SYT9: variants seen among roughly 807,000 people sequenced by gnomAD.
SYT9 encodes the protein synaptotagmin 9, also known as synaptotagmin-9.
A neutral mutation model predicts 48.4 loss-of-function variants in SYT9; 22 were observed. The ratio of observed to expected loss-of-function variants is 0.45; its 90% CI spans 0.32 to 0.65. SYT9 has a LOEUF of 0.65. Among genes scored for constraint, SYT9 ranks in the 30% least tolerant of loss-of-function variants. The pLI, the probability that SYT9 is intolerant of heterozygous loss-of-function variation, is 0.03. For missense variants in SYT9, 577 were observed against 622.0 expected (o/e 0.93, Z 0.77); for synonymous variants, 265 against 245.0 (o/e 1.08, Z -0.76).
chr11:7,284,724 T>C (rs1009352121), intron 1 of SYT9, among the ~76,000 whole-genome samples: 1 of 152,200 alleles, frequency 6.6e-6, no homozygotes, highest in African/African-American at 2.4e-5. Context: ...AAACAAGATG[T>C]CTTTCATTCT....
intron 3 of SYT9, among the ~76,000 whole-genome samples, chr11:7,403,971 A>G (rs1226171314): frequency 6.6e-6 from 1 of 152,138 alleles, no homozygotes; most frequent in Admixed American, 6.6e-5. Flanking sequence ...GTAAACATTT[A>G]GAATTTTTAT....
chr11:7,405,942 G>T (rs898026752), intron 3 of SYT9, among the ~76,000 whole-genome samples: 2 of 152,008 alleles, frequency 1.3e-5, no homozygotes, highest in African/African-American at 4.8e-5. Flanking sequence ...AATATTTATT[G>T]AGCATCTTTT....
intron 1 of SYT9, among the ~76,000 whole-genome samples, chr11:7,259,312 G>A (rs1848035753): frequency 6.6e-6 from 1 of 151,962 alleles, no homozygotes; most frequent in Non-Finnish European, 1.5e-5. Context: ...TTATTGTTGT[G>A]ATGACTATGT....
chr11:7,288,860 G>A (rs908440505), intron 1 of SYT9, among the ~76,000 whole-genome samples: 1 of 152,230 alleles, frequency 6.6e-6, no homozygotes, highest in Non-Finnish European at 1.5e-5. Context: ...GCTGCTCTTT[G>A]GAGTCTTCAT....
At chr11:7,307,579 G>C (rs1849055592) in intron 2 of SYT9, among the ~76,000 whole-genome samples, 1 of 152,184 alleles carries the variant, frequency 6.6e-6, no homozygotes, top group Non-Finnish European at 1.5e-5. Context: ...GCAATAAAGA[G>C]AGAAAAAATA....
intron 6 of SYT9, among the ~76,000 whole-genome samples, chr11:7,420,878 G>T (rs910676011): frequency 1.3e-5 from 2 of 152,166 alleles, no homozygotes; most frequent in African/African-American, 4.8e-5. Flanking sequence ...ATTTTTAAAA[G>T]ATCAAGATTC....
At chr11:7,401,889 T>A (rs543156481) in intron 3 of SYT9, among the ~76,000 whole-genome samples, 1 of 152,024 alleles carries the variant, frequency 6.6e-6, no homozygotes, top group South Asian at 2.1e-4. Flanking sequence ...CCTTTTTGTT[T>A]CATTTTCTCT....
At chr11:7,316,674 A>G (rs1343657216) in intron 3 of SYT9, among the ~76,000 whole-genome samples, 1 of 152,220 alleles carries the variant, frequency 6.6e-6, no homozygotes, top group Non-Finnish European at 1.5e-5. Flanking sequence ...GGTAAGGTAT[A>G]CATGTGTTCA....
chr11:7,429,098 C>T (rs752808761), intron 6 of SYT9, among the ~76,000 whole-genome samples: 2 of 152,226 alleles, frequency 1.3e-5, no homozygotes, highest in African/African-American at 4.8e-5. Flanking sequence ...ACCCATACAC[C>T]GACAGAGTGA....
intron 3 of SYT9, among the ~76,000 whole-genome samples, chr11:7,357,691 C>T (rs1850047634): frequency 6.6e-6 from 1 of 152,020 alleles, no homozygotes; most frequent in South Asian, 2.1e-4. Flanking sequence ...CACTCAACTC[C>T]CAGCACAAAT....
intron 3 of SYT9, among the ~76,000 whole-genome samples, chr11:7,332,643 C>T (rs757748934): frequency 2.0e-5 from 3 of 152,184 alleles, no homozygotes; most frequent in Non-Finnish European, 2.9e-5. Context: ...GCTGCCTTGG[C>T]GTTGTGGCTA....
Position 7,240,653 on chromosome 11 carries a change from AC to A in SYT9, c.49+1738del, listed in dbSNP as rs1174882988. ...CACAAATAACATTATATTGCTTTAA[AC>A]GAACTACTACTTCAAATAGGACAAA... On this transcript the variant is annotated intron_variant and NMD_transcript_variant, in intron 1 of 8. Coordinates refer to the SYT9 transcript ENST00000524820. 1.2e-4 allele frequency among the ~76,000 whole-genome samples: 19 copies of A among 152,352 alleles called. 1 individual carries two copies. In the South Asian group the frequency reaches 1.9e-3, roughly 15 times the overall value.
chr11:7,253,576 G>A (rs1847912632), intron 1 of SYT9, among the ~76,000 whole-genome samples: 1 of 91,754 alleles, frequency 1.1e-5, no homozygotes, highest in Non-Finnish European at 2.8e-5. Context: ...CCCTACCAGA[G>A]GCTTTTTTTT....
chr11:7,247,486 C>G (rs1445876986), upstream of SYT9, among the ~76,000 whole-genome samples: 1 of 148,052 alleles, frequency 6.8e-6, no homozygotes, highest in African/African-American at 2.5e-5. Flanking sequence ...TATATATATA[C>G]ACACACATAT....
chr11:7,388,692 T>A (rs2134056828), intron 3 of SYT9, among the ~76,000 whole-genome samples: 1 of 152,334 alleles, frequency 6.6e-6, no homozygotes, highest in Non-Finnish European at 1.5e-5. Flanking sequence ...TAGAGTCCAA[T>A]GTATATCTGT....
At chr11:7,327,936 G>T (rs1441018836) in intron 3 of SYT9, among the ~76,000 whole-genome samples, 1 of 97,032 alleles carries the variant, frequency 1.0e-5, no homozygotes, top group Non-Finnish European at 2.0e-5. Context: ...GAGGGGGGAG[G>T]GGGGAGGGAT....
chr11:7,430,629 G>C (rs979851239), intron 6 of SYT9, among the ~76,000 whole-genome samples: 2 of 152,078 alleles, frequency 1.3e-5, no homozygotes, highest in Non-Finnish European at 2.9e-5. Flanking sequence ...TTGGAGGTGG[G>C]GCCTGATGGG....
chr11:7,402,601 A>C (rs1197447255), intron 3 of SYT9, among the ~76,000 whole-genome samples: 1 of 152,120 alleles, frequency 6.6e-6, no homozygotes, highest in African/African-American at 2.4e-5. Context: ...CCTCCATGGA[A>C]ATGTTCCTTA....
intron 3 of SYT9, among the ~76,000 whole-genome samples, chr11:7,365,575 C>G (rs1850225491): frequency 6.6e-6 from 1 of 152,166 alleles, no homozygotes; most frequent in Admixed American, 6.5e-5. Flanking sequence ...CACCTCCTGC[C>G]ATGCCTGACA....
Sources: allele counts gnomAD v4.1 joint callset (sites outside exome capture counted in the v4.1 genomes callset), GRCh38; gene constraint gnomAD v4.1.1; transcripts MANE v1.5; gene names NCBI Gene and HGNC (gene_info 2026-07-23, HGNC 2026-07-21).